The following PDHX variants were observed in gnomAD, a reference collection of about 807,000 sequenced individuals.
The protein encoded by PDHX is pyruvate dehydrogenase protein X component, mitochondrial.
Under a neutral mutation model 55.3 loss-of-function variants are expected in PDHX, and 33 were observed. The observed-to-expected ratio is 0.60, with a 90% CI of 0.45 to 0.80. The LOEUF is 0.80. Ranked by LOEUF, PDHX falls within the 30% of genes least tolerant of loss-of-function variation. The probability of loss-of-function intolerance (pLI) is 0.00; values close to 1 mark genes in which losing one functional copy is unlikely to be tolerated. For synonymous variants in PDHX, 226 were observed against 219.4 expected (o/e 1.03, Z -0.27); for missense variants, 622 against 619.9 (o/e 1.00, Z -0.04).
chr11:34,916,807 G>A lies in PDHX; in HGVS notation c.152G>A (p.Trp51Ter). 6.3e-7 allele frequency: 1 copy of A among 1,577,402 alleles called. No individual in the cohort carries two copies. The highest frequency in any genetic ancestry group is 8.6e-7 in the Non-Finnish European group (1 of 1,161,988). The change falls in exon 1 of 11, where the codon TGG becomes TAG. Residue 51 changes from tryptophan to a stop codon, truncating the protein, a stop_gained. Transcript: ENST00000227868. LOFTEE classifies it high-confidence loss of function. ...ANWRWFHSTQWLRGDPIKILM... is the reference protein window; with the variant it reads ...ANWRWFHSTQ ...TGGAGATGGTTTCACAGCACGCAGT[G>A]GCTTCGGGGTGAGTGGCCGGGGCTC...
At chr11:34,948,698 C>T (rs1256674446) in intron 3 of PDHX, among the ~76,000 whole-genome samples, 2 of 150,144 alleles carry the variant, frequency 1.3e-5, no homozygotes, top group Non-Finnish European at 2.9e-5. Context: ...GTTGATAATA[C>T]AGTTAACTTC....
At chr11:34,989,147 A>G (rs1250725069) in intron 9 of PDHX, among the ~76,000 whole-genome samples, 1 of 152,212 alleles carries the variant, frequency 6.6e-6, no homozygotes, top group Non-Finnish European at 1.5e-5. Context: ...ACTGTACTGA[A>G]TAGTATAAGG....
chr11:34,983,272 C>T (rs1855560119), intron 8 of PDHX, among the ~76,000 whole-genome samples: 1 of 152,094 alleles, frequency 6.6e-6, no homozygotes, highest in Admixed American at 6.5e-5. Context: ...TGGGACGTAT[C>T]TCAAAATAAT....
intron 3 of PDHX, among the ~76,000 whole-genome samples, chr11:34,952,241 A>G (rs991705452): frequency 7.9e-5 from 12 of 152,266 alleles, no homozygotes; most frequent in African/African-American, 2.4e-4. Flanking sequence ...ATGGATTCAC[A>G]GCCAAATTCT....
intron 9 of PDHX, among the ~76,000 whole-genome samples, chr11:34,989,229 TG>T (rs1288689236): frequency 6.6e-6 from 1 of 152,234 alleles, no homozygotes; most frequent in African/African-American, 2.4e-5. Flanking sequence ...ATGGGACCAC[TG>T]TCATATATTT....
At chr11:34,967,325 A>C (rs1173107006) in intron 6 of PDHX, among the ~76,000 whole-genome samples, 2 of 152,188 alleles carry the variant, frequency 1.3e-5, no homozygotes, top group African/African-American at 2.4e-5. Flanking sequence ...CAGAAACCAA[A>C]ATTTGTTTGT....
chr11:34,957,835 C>G (rs973743553), intron 4 of PDHX, among the ~76,000 whole-genome samples: 10 of 151,972 alleles, frequency 6.6e-5, no homozygotes, highest in Non-Finnish European at 1.3e-4. Context: ...GAAAACCAAA[C>G]AGTATGTGTC....
chr11:34,940,254 C>G (rs1005007605), intron 2 of PDHX, among the ~76,000 whole-genome samples: 6 of 152,120 alleles, frequency 3.9e-5, no homozygotes, highest in African/African-American at 1.4e-4. Flanking sequence ...AACAGTGGTG[C>G]TTGTTGCTGC....
chr11:34,989,321 C>T (rs1482532551), intron 9 of PDHX, among the ~76,000 whole-genome samples: 4 of 152,158 alleles, frequency 2.6e-5, no homozygotes, highest in African/African-American at 4.8e-5. Context: ...CAGGCACCTA[C>T]TGTGGGTCTT....
Position 34,931,476 on chromosome 11 carries a change from A to C in PDHX, c.233A>C (p.Lys78Thr). The C allele has an allele frequency of 1.9e-6, 3 of 1,592,288 alleles. No individual in the cohort carries two copies. Among genetic ancestry groups the C allele is most frequent in the Non-Finnish European group, 2.6e-6 (3 of 1,161,178 alleles). Residue 78 changes from lysine (K) to threonine (T), a missense_variant, in exon 2 of 11, where the codon AAA becomes ACA. By Grantham distance (78) the Lys-to-Thr change is moderately conservative. Transcript: ENST00000227868. Reference sequence around the variant, plus strand: ...GAAGGAAACATTGTGAAATGGCTGAAAAAGGAAGGTGAGGAGGTACCTTCC... The same window carrying C: ...GAAGGAAACATTGTGAAATGGCTGACAAAGGAAGGTGAGGAGGTACCTTCC... The part of the protein sequence containing the change: ...MEEGNIVKWL[K>T]KEGEAVSAGD...
intron 1 of PDHX, among the ~76,000 whole-genome samples, chr11:34,922,152 G>A (rs931859371): frequency 6.6e-6 from 1 of 152,192 alleles, no homozygotes; most frequent in Admixed American, 6.5e-5. Flanking sequence ...TGGGTCGTAT[G>A]CCCTTTCTTA....
At chr11:34,951,281 G>A (rs937843096) in intron 3 of PDHX, among the ~76,000 whole-genome samples, 82 of 151,808 alleles carry the variant, frequency 5.4e-4, no homozygotes, top group Admixed American at 1.9e-3. Context: ...GGATGGTCTC[G>A]ATCTCCTGAC....
At chr11:34,964,782 T>C (rs1855092512) in intron 5 of PDHX, among the ~76,000 whole-genome samples, 4 of 28,846 alleles carry the variant, frequency 1.4e-4, no homozygotes, top group Admixed American at 3.5e-4. Flanking sequence ...AATATTAGCA[T>C]AACTAATATT....
intron 2 of PDHX, among the ~76,000 whole-genome samples, chr11:34,943,017 T>G (rs1252896325): frequency 6.6e-6 from 1 of 152,174 alleles, no homozygotes; most frequent in African/African-American, 2.4e-5. Context: ...TAATTTGATG[T>G]ATACCTTATG....
At chr11:34,921,044 C>T (rs543598876) in intron 1 of PDHX, among the ~76,000 whole-genome samples, 1 of 152,154 alleles carries the variant, frequency 6.6e-6, no homozygotes, top group South Asian at 2.1e-4. Flanking sequence ...CTCTTTTAGG[C>T]CTGGTTCTTA....
At chr11:34,938,154 C>T (rs964641707) in intron 2 of PDHX, among the ~76,000 whole-genome samples, 4 of 151,952 alleles carry the variant, frequency 2.6e-5, no homozygotes, top group African/African-American at 7.3e-5. Context: ...AACAGAAGGA[C>T]GACTAGAGGA....
intron 2 of PDHX, among the ~76,000 whole-genome samples, chr11:34,946,940 A>C (rs1854634068): frequency 6.6e-6 from 1 of 152,094 alleles, no homozygotes; most frequent in African/African-American, 2.4e-5. Context: ...CTTCCTCCAT[A>C]TTTTTGAGTT....
At chr11:34,943,447 AG>A (rs1368986254) in intron 2 of PDHX, among the ~76,000 whole-genome samples, 1 of 152,180 alleles carries the variant, frequency 6.6e-6, no homozygotes, top group African/African-American at 2.4e-5. Flanking sequence ...TCTGTTTTCT[AG>A]GCATCTAAGA....
chr11:34,938,456 A>G (rs1217305401), intron 2 of PDHX, among the ~76,000 whole-genome samples: 2 of 152,206 alleles, frequency 1.3e-5, no homozygotes, highest in East Asian at 3.8e-4. Flanking sequence ...TCAGTATCTA[A>G]GAAAGTTTTA....
Sources: allele counts gnomAD v4.1 joint callset (sites outside exome capture counted in the v4.1 genomes callset), GRCh38; gene constraint gnomAD v4.1.1; transcripts MANE v1.5; gene names NCBI Gene and HGNC (gene_info 2026-07-23, HGNC 2026-07-21).